Variants in PLPPR1 observed in about 807,000 individuals in gnomAD.
PLPPR1 encodes the protein phospholipid phosphatase related 1, also known as phospholipid phosphatase-related protein type 1.
PLPPR1 carries 10 observed loss-of-function variants against 33.1 expected under a neutral mutation model. That is an observed-to-expected ratio of 0.30 (90% CI 0.19 to 0.51). PLPPR1 has a LOEUF of 0.51. PLPPR1 is among the 20% of genes least tolerant of loss of function. The pLI is 0.97. For synonymous variants in PLPPR1, 151 were observed against 151.0 expected, an observed-to-expected ratio of 1.00 and a Z score of 0.00; for missense variants, 304 against 408.1, an observed-to-expected ratio of 0.74 and a Z score of 2.20.
chr9:101,146,337 G>C (rs1234382192), intron 1 of PLPPR1, among the ~76,000 whole-genome samples: 1 of 152,148 alleles, frequency 6.6e-6, no homozygotes, highest in Non-Finnish European at 1.5e-5. Flanking sequence ...AATGAAAAAG[G>C]GGTAATACAC....
At chr9:101,196,896 C>T (rs1826406170) in intron 2 of PLPPR1, among the ~76,000 whole-genome samples, 1 of 152,082 alleles carries the variant, frequency 6.6e-6, no homozygotes, top group Admixed American at 6.6e-5. Flanking sequence ...AAGATTTAGC[C>T]TCGTGAGGAA....
rs549967666 is a variant in PLPPR1 at position 101,127,453 on chromosome 9, G to A, written c.-45-57997G>A. Among the ~76,000 whole-genome samples the A allele has an allele frequency of 1.2e-4, 18 of 152,334 alleles. No individual in the cohort carries two copies. In the South Asian group the frequency reaches 3.3e-3, roughly 28 times the overall value. Reference sequence around the variant, plus strand: ...TGCTATTTATTGGTAATCCAACAAAGAAACAGGTGGTGAGAATGTGGAGGT... The same window carrying A: ...TGCTATTTATTGGTAATCCAACAAAAAAACAGGTGGTGAGAATGTGGAGGT... On this transcript the variant is annotated intron_variant, in intron 1 of 7. Transcript: ENST00000374874.
At chr9:101,315,002 G>A (rs138502458) in intron 6 of PLPPR1, among the ~76,000 whole-genome samples, 143 of 152,210 alleles carry the variant, frequency 9.4e-4, no homozygotes, top group African/African-American at 3.3e-3. Flanking sequence ...CACATGTTTC[G>A]GGGGTATGTG....
intron 1 of PLPPR1, among the ~76,000 whole-genome samples, chr9:101,039,196 G>C (rs532817505): frequency 2.0e-5 from 3 of 152,278 alleles, no homozygotes; most frequent in Admixed American, 6.5e-5. Context: ...TGGTGGTTAA[G>C]AGCTTGGACT....
chr9:101,153,537 A>G (rs1332849312), intron 1 of PLPPR1, among the ~76,000 whole-genome samples: 2 of 152,024 alleles, frequency 1.3e-5, no homozygotes, highest in African/African-American at 4.8e-5. Flanking sequence ...GTTTGTCATA[A>G]ATAGCTCTTA....
At chr9:101,137,820 C>T (rs1012460080) in intron 1 of PLPPR1, among the ~76,000 whole-genome samples, 2 of 152,186 alleles carry the variant, frequency 1.3e-5, no homozygotes, top group Admixed American at 1.3e-4. Context: ...CCTAAACATC[C>T]ATGCCTGATT....
At chr9:101,185,384 T>C (rs1826186818) in intron 1 of PLPPR1, 66 bp from the exon 2 acceptor site, 1 of 575,442 alleles carries the variant, frequency 1.7e-6, no homozygotes, top group Non-Finnish European at 3.1e-6. Context: ...CTGATATTTT[T>C]ATGTAAGTAC....
At chr9:101,106,145 T>G (rs889807166) in intron 1 of PLPPR1, among the ~76,000 whole-genome samples, 3 of 151,262 alleles carry the variant, frequency 2.0e-5, no homozygotes, top group Admixed American at 2.0e-4. Context: ...TTAGTCCATT[T>G]ACATTTAAAG....
At chr9:101,180,664 G>A (rs923907638) in intron 1 of PLPPR1, among the ~76,000 whole-genome samples, 1 of 143,150 alleles carries the variant, frequency 7.0e-6, no homozygotes, top group South Asian at 2.3e-4. Context: ...AATAAATGGT[G>A]TTGGGAAAAC....
intron 4 of PLPPR1, among the ~76,000 whole-genome samples, chr9:101,295,160 GACAA>G (rs1447557365): frequency 6.6e-6 from 1 of 151,534 alleles, no homozygotes; most frequent in Non-Finnish European, 1.5e-5. Context: ...ACCAATAACA[GACAA>G]ACAGAGAGCC....
chr9:101,287,335 A>C (rs1274649805), intron 4 of PLPPR1, among the ~76,000 whole-genome samples: 1 of 152,206 alleles, frequency 6.6e-6, no homozygotes, highest in Non-Finnish European at 1.5e-5. Flanking sequence ...ACTCATTCCA[A>C]ACAATGGCTC....
At position 101,259,177 on chromosome 9, in the gene PLPPR1, A is replaced by G. The variant is rs144795732; in HGVS notation, c.64-10703A>G. On this transcript the variant is annotated intron_variant, in intron 2 of 7. Coordinates refer to ENST00000374874, the MANE Select transcript of PLPPR1 (RefSeq NM_207299.2). ...AAGTACTAAATGAAGACAAGGATGTAGTATTTGTATTTATTCTTCAAGGAG... is the reference window on the plus strand; with the variant it reads ...AAGTACTAAATGAAGACAAGGATGTGGTATTTGTATTTATTCTTCAAGGAG... Among the ~76,000 whole-genome samples the G allele has an allele frequency of 5.9e-5, 9 of 152,266 alleles. No homozygotes were observed. In the East Asian group the frequency reaches 1.7e-3, roughly 29 times the overall value.
intron 1 of PLPPR1, among the ~76,000 whole-genome samples, chr9:101,058,940 T>C (rs1277441689): frequency 1.3e-5 from 2 of 152,132 alleles, no homozygotes; most frequent in African/African-American, 2.4e-5. Flanking sequence ...AGCTAACAAA[T>C]TTCTGAGTCA....
intron 1 of PLPPR1, among the ~76,000 whole-genome samples, chr9:101,050,122 C>G: frequency 1.6e-5 from 1 of 61,572 alleles, no homozygotes; most frequent in East Asian, 6.5e-4. Context: ...GACTCCAACT[C>G]AGAAAAAAAA....
chr9:101,238,305 AGGGTATG>A (rs1242139613), intron 2 of PLPPR1, among the ~76,000 whole-genome samples: 4 of 134,756 alleles, frequency 3.0e-5, no homozygotes, highest in Non-Finnish European at 4.8e-5. Flanking sequence ...ATATATATAT[AGGGTATG>A]TATATAGGAT....
At chr9:101,075,134 T>G (rs1291480394) in intron 1 of PLPPR1, among the ~76,000 whole-genome samples, 1 of 152,170 alleles carries the variant, frequency 6.6e-6, no homozygotes, top group Non-Finnish European at 1.5e-5. Context: ...AAGTATATCT[T>G]TTATATTTTT....
chr9:101,208,628 T>C (rs190395984), intron 2 of PLPPR1, among the ~76,000 whole-genome samples: 1 of 152,356 alleles, frequency 6.6e-6, no homozygotes, highest in Admixed American at 6.5e-5. Context: ...AATCACTGAA[T>C]ATAATATCCT....
intron 1 of PLPPR1, among the ~76,000 whole-genome samples, chr9:101,055,766 G>T (rs1830272185): frequency 6.6e-6 from 1 of 152,098 alleles, no homozygotes; most frequent in South Asian, 2.1e-4. Context: ...TTTATTGTTG[G>T]GCCACATGGT....
chr9:101,182,043 A>C (rs917576516), intron 1 of PLPPR1, among the ~76,000 whole-genome samples: 1 of 151,420 alleles, frequency 6.6e-6, no homozygotes, highest in African/African-American at 2.4e-5. Context: ...GTGAACATAT[A>C]TATGTAGTAT....
Sources: gnomAD v4.1 joint callset for allele counts (sites outside exome capture counted in the v4.1 genomes callset) on GRCh38, gnomAD v4.1.1 for gene constraint, MANE v1.5 for transcripts, NCBI Gene and HGNC (gene_info 2026-07-23, HGNC 2026-07-21) for gene names.